RASAL2: variants seen among roughly 807,000 people sequenced by gnomAD.
RASAL2 encodes ras GTPase-activating protein nGAP.
A neutral mutation model predicts 128.9 loss-of-function variants in RASAL2; 58 were observed. The observed-to-expected ratio is 0.45, with a 90% CI of 0.36 to 0.56. The LOEUF is 0.56. Among genes scored for constraint, RASAL2 ranks in the 20% least tolerant of loss-of-function variants. The pLI is 0.00. For synonymous variants in RASAL2, 561 were observed against 580.8 expected, an observed-to-expected ratio of 0.97 and a Z score of 0.49; for missense variants, 1,360 against 1,601.6, an observed-to-expected ratio of 0.85 and a Z score of 2.57.
chr1:178,454,319 GATA>G lies in RASAL2; in HGVS notation c.2010-123_2010-121del, dbSNP rs879136327. Reference sequence around the variant, plus strand: ...TATGTTATAACATTTATCACTTATAGATAATAAACAAAATTAGTCATTCCCTCC... The same window carrying G: ...TATGTTATAACATTTATCACTTATAGATAAACAAAATTAGTCATTCCCTCC... On this transcript the variant is annotated intron_variant, in intron 11 of 17. Transcript: ENST00000367649. 18 of 667,374 alleles carry G rather than the reference GATA, an allele frequency of 2.7e-5. 1 individual carries two copies. Among genetic ancestry groups the G allele is most frequent in the South Asian group, 2.6e-4 (13 of 50,732 alleles). 41.3% of individuals were successfully genotyped at this position (667,374 alleles called of 1,614,324 possible).
chr1:178,445,441 C>G, intron 8 of RASAL2, 77 bp from the exon 9 acceptor site: 1 of 1,405,860 alleles, frequency 7.1e-7, no homozygotes, highest in East Asian at 2.5e-5. Flanking sequence ...TCCAGGATGT[C>G]TGATATTTCA....
At chr1:178,277,147 CAAAA>C (rs61384367) in intron 1 of RASAL2, among the ~76,000 whole-genome samples, 2 of 55,144 alleles carry the variant, frequency 3.6e-5, no homozygotes, top group Admixed American at 2.1e-4. Context: ...GATTCCCTCT[CAAAA>C]AAAAAAAAAA....
chr1:178,328,655 C>T (rs1256551181), intron 3 of RASAL2, among the ~76,000 whole-genome samples: 1 of 152,120 alleles, frequency 6.6e-6, no homozygotes, highest in African/African-American at 2.4e-5. Context: ...ATGTTAAGTT[C>T]TGGATATATA....
intron 1 of RASAL2, among the ~76,000 whole-genome samples, chr1:178,143,461 C>T (rs1660606064): frequency 1.3e-5 from 2 of 151,426 alleles, no homozygotes; most frequent in Non-Finnish European, 2.9e-5. Flanking sequence ...AAAAAAAACC[C>T]CAAATCATTA....
chr1:178,361,939 C>T (rs1299159311), intron 3 of RASAL2, among the ~76,000 whole-genome samples: 3 of 151,910 alleles, frequency 2.0e-5, no homozygotes, highest in Non-Finnish European at 4.4e-5. Context: ...AACCTAGATC[C>T]CTTGCATGTA....
chr1:178,373,274 C>CTTTTTTTTTTTTTTTTT (rs60835442), intron 3 of RASAL2, among the ~76,000 whole-genome samples: 735 of 59,694 alleles, frequency 0.012, 91 homozygotes, highest in African/African-American at 0.024. Context: ...TGTTTCTTTC[C>CTTTTTTTTTTTTTTTTT]TTTTTTTTTT....
At chr1:178,448,435 T>C (rs1677163001) in intron 9 of RASAL2, among the ~76,000 whole-genome samples, 1 of 152,196 alleles carries the variant, frequency 6.6e-6, no homozygotes, top group South Asian at 2.1e-4. Context: ...AGCAGACACA[T>C]TATAGTAGCT....
chr1:178,333,129 C>T (rs931846348), intron 3 of RASAL2, among the ~76,000 whole-genome samples: 6 of 152,000 alleles, frequency 3.9e-5, no homozygotes, highest in African/African-American at 9.7e-5. Context: ...CCCGGGTTCA[C>T]GCCATTCTCC....
At chr1:178,198,970 C>T (rs1273804398) in intron 1 of RASAL2, among the ~76,000 whole-genome samples, 1 of 152,194 alleles carries the variant, frequency 6.6e-6, no homozygotes, top group African/African-American at 2.4e-5. Flanking sequence ...GCGGTGGGCT[C>T]CACCCAGTTC....
chr1:178,279,765 T>C (rs1666694446), intron 1 of RASAL2, among the ~76,000 whole-genome samples: 1 of 152,134 alleles, frequency 6.6e-6, no homozygotes, highest in South Asian at 2.1e-4. Flanking sequence ...AATTTAAGAC[T>C]AAAAGCAAAA....
chr1:178,288,879 C>T (rs978057939), intron 2 of RASAL2, among the ~76,000 whole-genome samples: 1 of 151,736 alleles, frequency 6.6e-6, no homozygotes, highest in Non-Finnish European at 1.5e-5. Context: ...TCGAACTCCT[C>T]ACCTCAGGTG....
At chr1:178,341,432 T>C in intron 3 of RASAL2, 1 of 1,447,572 alleles carries the variant, frequency 6.9e-7, no homozygotes, top group Non-Finnish European at 9.1e-7. Flanking sequence ...TTAACTGGCA[T>C]TGGCTCTGGC....
intron 3 of RASAL2, among the ~76,000 whole-genome samples, chr1:178,352,641 A>G (rs574862032): frequency 1.3e-5 from 2 of 152,276 alleles, no homozygotes; most frequent in African/African-American, 4.8e-5. Context: ...AGTGGGGATT[A>G]TTTGTGGTGG....
chr1:178,212,900 C>T lies in RASAL2; in HGVS notation c.203-70664C>T, dbSNP rs530004399. ...AAGAATTATATTTAGGCGTAATCAC[C>T]AGACAATGAAATGATTTTCTGAGAA... On this transcript the variant is annotated intron_variant, in intron 1 of 17. Coordinates refer to ENST00000367649, the MANE Select transcript of RASAL2 (RefSeq NM_170692.4). Among the ~76,000 whole-genome samples the T allele has an allele frequency of 3.3e-5, 5 of 152,330 alleles. No homozygotes were observed. In the South Asian group the frequency reaches 6.2e-4, roughly 19 times the overall value.
intron 14 of RASAL2, among the ~76,000 whole-genome samples, chr1:178,463,209 A>G (rs1647287407): frequency 6.6e-6 from 1 of 152,158 alleles, no homozygotes; most frequent in Non-Finnish European, 1.5e-5. Flanking sequence ...CTATTTAATT[A>G]TAAAAGGCTA....
At chr1:178,312,229 A>G (rs1411746994) in intron 3 of RASAL2, among the ~76,000 whole-genome samples, 6 of 152,172 alleles carry the variant, frequency 3.9e-5, no homozygotes, top group Non-Finnish European at 1.5e-5. Flanking sequence ...CTGAGTTCCC[A>G]TGACAAGTCA....
intron 1 of RASAL2, among the ~76,000 whole-genome samples, chr1:178,212,905 A>C (rs1380725546): frequency 6.6e-6 from 1 of 152,246 alleles, no homozygotes; most frequent in East Asian, 1.9e-4. Flanking sequence ...ATCACCAGAC[A>C]ATGAAATGAT....
chr1:178,206,550 T>C (rs968118756), intron 1 of RASAL2, among the ~76,000 whole-genome samples: 2 of 152,200 alleles, frequency 1.3e-5, no homozygotes, highest in African/African-American at 4.8e-5. Context: ...GAACTAATAC[T>C]GGGCATAGAA....
chr1:178,407,035 T>C (rs1026674095), intron 4 of RASAL2, among the ~76,000 whole-genome samples: 1 of 152,146 alleles, frequency 6.6e-6, no homozygotes, highest in African/African-American at 2.4e-5. Flanking sequence ...TCCCAAAGAT[T>C]CCGATATATC....
Sources: allele counts gnomAD v4.1 joint callset (sites outside exome capture counted in the v4.1 genomes callset), GRCh38; gene constraint gnomAD v4.1.1; transcripts MANE v1.5; gene names NCBI Gene and HGNC (gene_info 2026-07-23, HGNC 2026-07-21).